TSNARE1: variants seen among roughly 807,000 people sequenced by gnomAD.
The protein encoded by TSNARE1 is t-SNARE domain-containing protein 1.
Under a neutral mutation model 62.0 loss-of-function variants are expected in TSNARE1, and 49 were observed. The ratio of observed to expected loss-of-function variants is 0.79; its 90% CI spans 0.63 to 1.00. The LOEUF (loss-of-function observed/expected upper bound fraction) is 1.00, where lower values mean the gene tolerates loss of function less well. Ranked by LOEUF, TSNARE1 falls within the 50% of genes least tolerant of loss-of-function variation. The pLI is 0.00. For synonymous variants in TSNARE1, 328 were observed against 294.4 expected, an observed-to-expected ratio of 1.11 and a Z score of -1.17; for missense variants, 755 against 700.1, an observed-to-expected ratio of 1.08 and a Z score of -0.88.
intron 12 of TSNARE1, among the ~76,000 whole-genome samples, chr8:142,261,692 C>A (rs559440283): frequency 3.0e-4 from 45 of 152,202 alleles, no homozygotes; most frequent in African/African-American, 1.0e-3. Context: ...GGTTATTATT[C>A]TCCTTTAACG....
chr8:142,262,440 A>G (rs13249406), intron 12 of TSNARE1, among the ~76,000 whole-genome samples: 16,260 of 151,890 alleles, frequency 0.11, 1,143 homozygotes, highest in South Asian at 0.16. Flanking sequence ...TACACATGGT[A>G]TTTTTGCTGG....
At chr8:142,279,559 G>A (rs969657643) in intron 11 of TSNARE1, among the ~76,000 whole-genome samples, 11 of 152,182 alleles carry the variant, frequency 7.2e-5, no homozygotes, top group South Asian at 6.2e-4. Context: ...TTGAGGTGGC[G>A]TATATGGTCG....
intron 12 of TSNARE1, among the ~76,000 whole-genome samples, chr8:142,255,061 C>T (rs1818355699): frequency 6.6e-6 from 1 of 152,060 alleles, no homozygotes; most frequent in Admixed American, 6.5e-5. Context: ...TGTCCCATAA[C>T]AGAGAACAGC....
intron 10 of TSNARE1, 163 bp downstream of exon 10, chr8:142,300,323 G>A: frequency 1.4e-6 from 1 of 729,738 alleles, no homozygotes; most frequent in Non-Finnish European, 2.1e-6. Context: ...GGACCAGATG[G>A]CCAGAGAGAG....
intron 1 of TSNARE1, among the ~76,000 whole-genome samples, chr8:142,387,948 C>A (rs1837218364): frequency 6.6e-6 from 1 of 152,092 alleles, no homozygotes; most frequent in Non-Finnish European, 1.5e-5. Flanking sequence ...AAACAGTGTA[C>A]ATACAAAAGA....
At chr8:142,330,876 G>C in intron 6 of TSNARE1, 25 bp downstream of exon 6, 1 of 1,613,156 alleles carries the variant, frequency 6.2e-7, no homozygotes, top group Non-Finnish European at 8.5e-7. Flanking sequence ...CCCAGGCAAA[G>C]AGATACCATG....
intron 2 of TSNARE1, among the ~76,000 whole-genome samples, chr8:142,346,589 C>T (rs921804281): frequency 1.3e-5 from 2 of 152,268 alleles, no homozygotes; most frequent in African/African-American, 4.8e-5. Flanking sequence ...GTCACAGACA[C>T]GCCGTGTGCG....
intron 10 of TSNARE1, among the ~76,000 whole-genome samples, chr8:142,295,749 G>C (rs1268398874): frequency 2.0e-5 from 3 of 151,992 alleles, no homozygotes; most frequent in Non-Finnish European, 4.4e-5. Flanking sequence ...TGTGCTTCCA[G>C]CTGGGCCGTC....
chr8:142,305,708 G>C (rs72614025), intron 9 of TSNARE1, among the ~76,000 whole-genome samples: 5 of 152,242 alleles, frequency 3.3e-5, no homozygotes, highest in African/African-American at 4.8e-5. Context: ...CTTGAGCTCC[G>C]AGGCTGGGAT....
At chr8:142,396,603 G>A (rs117521117) in intron 1 of TSNARE1, among the ~76,000 whole-genome samples, 2,362 of 152,308 alleles carry the variant, frequency 0.016, 25 homozygotes, top group Non-Finnish European at 0.021. Flanking sequence ...TTCCAGCCTG[G>A]TCCCCCTGGA....
intron 5 of TSNARE1, among the ~76,000 whole-genome samples, chr8:142,331,405 C>T (rs1428120584): frequency 1.3e-5 from 2 of 152,214 alleles, no homozygotes; most frequent in Admixed American, 1.3e-4. Context: ...GGGCTCCATC[C>T]AGATCACACA....
intron 9 of TSNARE1, among the ~76,000 whole-genome samples, chr8:142,311,969 C>G (rs1586730179): frequency 6.6e-6 from 1 of 152,284 alleles, no homozygotes; most frequent in South Asian, 2.1e-4. Context: ...TTACTATTTC[C>G]TTTCACATGT....
chr8:142,220,323 A>C (rs1324974804), intron 13 of TSNARE1, among the ~76,000 whole-genome samples: 1 of 152,074 alleles, frequency 6.6e-6, no homozygotes, highest in Non-Finnish European at 1.5e-5. Context: ...CCTCTGCTGC[A>C]CAGCACCCTC....
intron 12 of TSNARE1, among the ~76,000 whole-genome samples, chr8:142,255,114 G>C (rs1185263683): frequency 2.0e-5 from 3 of 152,040 alleles, no homozygotes; most frequent in African/African-American, 7.3e-5. Flanking sequence ...GCCCCCAGCG[G>C]CTGAAGGGGA....
intron 1 of TSNARE1, among the ~76,000 whole-genome samples, chr8:142,361,517 C>T (rs1029568166): frequency 1.2e-4 from 19 of 152,318 alleles, no homozygotes; most frequent in Middle Eastern, 3.4e-3. Flanking sequence ...CACACCCAGA[C>T]GAGGGGCCAG....
At chr8:142,343,913 C>A in intron 4 of TSNARE1, 53 bp downstream of exon 4, 2 of 1,444,332 alleles carry the variant, frequency 1.4e-6, no homozygotes, top group East Asian at 2.6e-5. Context: ...GGGCCCCCCC[C>A]TCCTGCTGGA....
chr8:142,357,054 G>C (rs1453965430), intron 1 of TSNARE1, among the ~76,000 whole-genome samples: 3 of 152,052 alleles, frequency 2.0e-5, no homozygotes, highest in Admixed American at 6.6e-5. Context: ...CCAGAAACCA[G>C]AGCACGAAGA....
At chr8:142,288,137 G>A (rs1465702550) in intron 10 of TSNARE1, among the ~76,000 whole-genome samples, 1 of 152,260 alleles carries the variant, frequency 6.6e-6, no homozygotes, top group African/African-American at 2.4e-5. Context: ...TGCAGCTTTG[G>A]TGAGAGATGC....
chr8:142,379,356 C>T (rs1224208068), intron 1 of TSNARE1, among the ~76,000 whole-genome samples: 1 of 152,214 alleles, frequency 6.6e-6, no homozygotes, highest in Non-Finnish European at 1.5e-5. Context: ...AGCAGCTCTG[C>T]ACTCGTGCTG....
Sources: gnomAD v4.1 joint callset for allele counts (sites outside exome capture counted in the v4.1 genomes callset) on GRCh38, gnomAD v4.1.1 for gene constraint, MANE v1.5 for transcripts, NCBI Gene and HGNC (gene_info 2026-07-23, HGNC 2026-07-21) for gene names.